Variants in TMEM156 observed in about 807,000 individuals in gnomAD.
TMEM156 encodes transmembrane protein 156.
In TMEM156, 28 loss-of-function variants were observed where a neutral mutation model predicts 30.5. That is an observed-to-expected ratio of 0.92 (90% CI 0.68 to 1.26). The LOEUF is 1.26. Among genes scored for constraint, TMEM156 ranks in the 50% most tolerant of loss-of-function variants. TMEM156 has a pLI of 0.00. For missense variants in TMEM156, 351 were observed against 340.6 expected (o/e 1.03, Z -0.24); for synonymous variants, 137 against 119.9 (o/e 1.14, Z -0.93).
intron 1 of TMEM156, among the ~76,000 whole-genome samples, chr4:39,024,118 C>A (rs1270569967): frequency 6.6e-6 from 1 of 152,194 alleles, no homozygotes; most frequent in African/African-American, 2.4e-5. Flanking sequence ...TCACTGCAAC[C>A]TCCGCCCCCT....
Position 38,986,896 on chromosome 4 carries a change from A to C in TMEM156, c.740-477T>G, listed in dbSNP as rs143277525. Among the ~76,000 whole-genome samples the C allele has an allele frequency of 8.1e-3, 1,181 of 145,336 alleles. 18 individuals are homozygous for C. The highest frequency in any genetic ancestry group is 0.028 in the African/African-American group (1,096 of 39,658). ...ACACAGAAAAGTATATTTTTATCTT[A>C]TTATATACATAGATATGATGTGAAG... On this transcript the variant is annotated intron_variant, in intron 4 of 6. Transcript: ENST00000381938.
chr4:38,974,570 C>T (rs572938653), intron 5 of TMEM156, among the ~76,000 whole-genome samples: 2 of 152,018 alleles, frequency 1.3e-5, no homozygotes, highest in African/African-American at 4.8e-5. Context: ...TTTTCTATTT[C>T]TTCCATGACA....
chr4:39,024,647 A>G (rs978626833), intron 1 of TMEM156, among the ~76,000 whole-genome samples: 2 of 152,166 alleles, frequency 1.3e-5, no homozygotes. Flanking sequence ...GAGGGGAAAA[A>G]CAGACACTGG....
At chr4:38,995,455 G>A (rs182470953) in intron 2 of TMEM156, among the ~76,000 whole-genome samples, 184 of 152,268 alleles carry the variant, frequency 1.2e-3, no homozygotes, top group African/African-American at 4.2e-3. Flanking sequence ...AGTGGCTCAC[G>A]CCTGTAATCC....
At chr4:38,998,244 T>C (rs1713063351) in intron 2 of TMEM156, among the ~76,000 whole-genome samples, 2 of 152,032 alleles carry the variant, frequency 1.3e-5, no homozygotes, top group Admixed American at 1.3e-4. Context: ...TGCCACTGGA[T>C]CTAAAAATGG....
rs537964435 is a variant in TMEM156 at position 39,018,742 on chromosome 4, C to T, written c.88+13484G>A. 4.3e-4 allele frequency among the ~76,000 whole-genome samples: 66 copies of T among 152,150 alleles called. 1 individual carries two copies. The highest frequency in any genetic ancestry group is 1.5e-3 in the African/African-American group (62 of 41,526). On this transcript the variant is annotated intron_variant, in intron 1 of 6. Coordinates refer to ENST00000381938, the MANE Select transcript of TMEM156 (RefSeq NM_024943.3). ...CCTGGTTATTTAAAGATCTCTTGGC[C>T]GGGCACGATGGCTCACACCTGTAAT...
intron 1 of TMEM156, among the ~76,000 whole-genome samples, chr4:39,018,677 A>G (rs535233682): frequency 2.6e-5 from 4 of 152,264 alleles, no homozygotes; most frequent in African/African-American, 9.6e-5. Context: ...CTATCAGACT[A>G]TTGTTCCTTT....
intron 1 of TMEM156, among the ~76,000 whole-genome samples, chr4:39,023,519 T>C (rs796687112): frequency 7.9e-5 from 12 of 152,244 alleles, no homozygotes; most frequent in African/African-American, 2.9e-4. Context: ...CTCAGTAGCA[T>C]GGATGAATCT....
At chr4:38,989,463 T>A (rs556822229) in intron 3 of TMEM156, among the ~76,000 whole-genome samples, 1 of 152,332 alleles carries the variant, frequency 6.6e-6, no homozygotes, top group South Asian at 2.1e-4. Context: ...GGACAATGAA[T>A]AATCAGACCC....
chr4:38,973,807 C>T (rs1722719125), intron 5 of TMEM156, among the ~76,000 whole-genome samples: 1 of 152,084 alleles, frequency 6.6e-6, no homozygotes, highest in Non-Finnish European at 1.5e-5. Context: ...CCCTATAAAA[C>T]ATATTTCTGG....
At chr4:38,994,750 C>T (rs373013953) in intron 2 of TMEM156, among the ~76,000 whole-genome samples, 1 of 152,090 alleles carries the variant, frequency 6.6e-6, no homozygotes, top group Non-Finnish European at 1.5e-5. Context: ...GGGTTCGAGA[C>T]CAGCCTGGCC....
rs1715396194 is a variant in TMEM156 at position 39,029,486 on chromosome 4, G to T, written c.88+2740C>A. ...ACTAATTTTTTTGGGAGGCCGAGGCGGGCGGATCACGAGGTCAGGAGATCG... is the reference window on the plus strand; with the variant it reads ...ACTAATTTTTTTGGGAGGCCGAGGCTGGCGGATCACGAGGTCAGGAGATCG... On this transcript the variant is annotated intron_variant, in intron 1 of 6. Coordinates refer to ENST00000381938, the MANE Select transcript of TMEM156 (RefSeq NM_024943.3). Among the ~76,000 whole-genome samples, 2 of 13,044 alleles carry T rather than the reference G, an allele frequency of 1.5e-4. 1 individual carries two copies. The highest frequency in any genetic ancestry group is 1.9e-3 in the Admixed American group (2 of 1,076). The allele number at this position is 13,044 out of a possible 152,430, so 8.6% of individuals were successfully genotyped here.
At chr4:38,974,054 AGTGCGTGT>A (rs1171237663) in intron 5 of TMEM156, among the ~76,000 whole-genome samples, 3 of 87,838 alleles carry the variant, frequency 3.4e-5, no homozygotes, top group African/African-American at 1.8e-4. Context: ...ATCAGGAAGG[AGTGCGTGT>A]GTGTGTGTGT....
chr4:39,007,944 G>A (rs1366739344), intron 1 of TMEM156, among the ~76,000 whole-genome samples: 4 of 152,038 alleles, frequency 2.6e-5, no homozygotes, highest in Non-Finnish European at 4.4e-5. Context: ...TCTGTTGGTA[G>A]TATATGGAAA....
intron 3 of TMEM156, among the ~76,000 whole-genome samples, chr4:38,992,459 A>G (rs1161135221): frequency 1.3e-5 from 2 of 151,764 alleles, no homozygotes; most frequent in Non-Finnish European, 2.9e-5. Flanking sequence ...AAGTTAACCA[A>G]CCTTAAACAG....
At chr4:39,020,104 A>C (rs1271267641) in intron 1 of TMEM156, among the ~76,000 whole-genome samples, 1 of 152,178 alleles carries the variant, frequency 6.6e-6, no homozygotes, top group Non-Finnish European at 1.5e-5. Context: ...TATCCCCCAG[A>C]TTCATTCATA....
intron 3 of TMEM156, among the ~76,000 whole-genome samples, chr4:38,992,573 T>C (rs1330425143): frequency 6.7e-6 from 1 of 149,498 alleles, no homozygotes; most frequent in East Asian, 1.9e-4. Context: ...TACAGCAAAC[T>C]CCCATTTCAT....
At chr4:38,986,761 T>TCATGC (rs1712017624) in intron 4 of TMEM156, among the ~76,000 whole-genome samples, 1 of 117,244 alleles carries the variant, frequency 8.5e-6, no homozygotes, top group Admixed American at 1.3e-4. Flanking sequence ...TGAGCCGAGA[T>TCATGC]CATGCCACTG....
At chr4:39,022,965 G>A (rs897919086) in intron 1 of TMEM156, among the ~76,000 whole-genome samples, 15 of 152,160 alleles carry the variant, frequency 9.9e-5, no homozygotes, top group Non-Finnish European at 1.9e-4. Flanking sequence ...TCAGCTTCTT[G>A]TAAAATTAAA....
Sources: gnomAD v4.1 joint callset for allele counts (sites outside exome capture counted in the v4.1 genomes callset) on GRCh38, gnomAD v4.1.1 for gene constraint, MANE v1.5 for transcripts, NCBI Gene and HGNC (gene_info 2026-07-23, HGNC 2026-07-21) for gene names.